Variants in PGM5 observed in about 807,000 individuals in gnomAD.
PGM5 encodes phosphoglucomutase-like protein 5.
A neutral mutation model predicts 59.2 loss-of-function variants in PGM5; 23 were observed. The ratio of observed to expected loss-of-function variants is 0.39; its 90% CI spans 0.28 to 0.55. The LOEUF (loss-of-function observed/expected upper bound fraction) is 0.55. Among genes scored for constraint, PGM5 ranks in the 20% least tolerant of loss-of-function variants. PGM5 has a pLI of 0.66. For synonymous variants in PGM5, 214 were observed against 286.0 expected, an observed-to-expected ratio of 0.75 and a Z score of 2.54; for missense variants, 574 against 748.3, an observed-to-expected ratio of 0.77 and a Z score of 2.72.
intron 10 of PGM5, among the ~76,000 whole-genome samples, chr9:68,511,773 G>T (rs1554689388): frequency 2.6e-5 from 4 of 151,628 alleles, no homozygotes; most frequent in African/African-American, 9.7e-5. Context: ...ATTAATAATG[G>T]TATTGACTCA....
intron 10 of PGM5, among the ~76,000 whole-genome samples, chr9:68,507,678 T>C (rs1824679634): frequency 6.6e-6 from 1 of 152,124 alleles, no homozygotes; most frequent in South Asian, 2.1e-4. Context: ...TTAGTATGGC[T>C]GTGTTTTCAT....
At chr9:68,442,705 A>G (rs1325806723) in intron 6 of PGM5, among the ~76,000 whole-genome samples, 1 of 152,254 alleles carries the variant, frequency 6.6e-6, no homozygotes, top group African/African-American at 2.4e-5. Flanking sequence ...ACATATTTAA[A>G]GAGTTAAAAC....
chr9:68,464,973 C>T (rs1388971137), intron 6 of PGM5, 120 bp from the exon 7 acceptor site: 4 of 593,786 alleles, frequency 6.7e-6, no homozygotes, highest in East Asian at 2.9e-5. Flanking sequence ...TCAACACTAC[C>T]CAGGTTGTTC....
At chr9:68,519,687 G>C (rs959191396) in intron 10 of PGM5, among the ~76,000 whole-genome samples, 1 of 151,184 alleles carries the variant, frequency 6.6e-6, no homozygotes, top group Non-Finnish European at 1.5e-5. Flanking sequence ...AAACAGCTAG[G>C]TCAAGTAAAA....
intron 10 of PGM5, among the ~76,000 whole-genome samples, chr9:68,501,501 C>T (rs1386319631): frequency 6.6e-6 from 1 of 152,170 alleles, no homozygotes; most frequent in Admixed American, 6.5e-5. Context: ...TCCAGGACCA[C>T]CTGCTTCTGC....
chr9:68,447,211 C>T (rs1028932792), intron 6 of PGM5, among the ~76,000 whole-genome samples: 12 of 152,202 alleles, frequency 7.9e-5, no homozygotes. Context: ...CAGCCGACCT[C>T]TTAGTTTTCA....
chr9:68,448,688 C>A (rs561861599), intron 6 of PGM5, among the ~76,000 whole-genome samples: 1 of 152,248 alleles, frequency 6.6e-6, no homozygotes, highest in Non-Finnish European at 1.5e-5. Flanking sequence ...GATCATTGTT[C>A]AATCAATAGG....
chr9:68,376,442 A>G (rs1456894755), intron 1 of PGM5, among the ~76,000 whole-genome samples: 1 of 150,640 alleles, frequency 6.6e-6, no homozygotes, highest in Non-Finnish European at 1.5e-5. Flanking sequence ...GGATTTCCAT[A>G]CTAAATCATC....
At chr9:68,486,608 G>A (rs1202911854) in intron 9 of PGM5, among the ~76,000 whole-genome samples, 1 of 152,158 alleles carries the variant, frequency 6.6e-6, no homozygotes, top group Admixed American at 6.5e-5. Context: ...CCATATATCA[G>A]TACTTATTCC....
intron 6 of PGM5, among the ~76,000 whole-genome samples, chr9:68,462,237 G>A (rs1231664617): frequency 2.6e-5 from 4 of 152,078 alleles, no homozygotes; most frequent in African/African-American, 9.7e-5. Flanking sequence ...ATGGCAAGCA[G>A]TTAGGGAGAA....
At chr9:68,406,646 G>A (rs1185379644) in intron 6 of PGM5, 1 of 114,950 alleles carries the variant, frequency 8.7e-6, no homozygotes, top group Non-Finnish European at 1.7e-5. Context: ...GTCTTGTACT[G>A]AGGATTAAAT....
At chr9:68,379,079 A>G (rs1821999252) in intron 2 of PGM5, among the ~76,000 whole-genome samples, 1 of 152,186 alleles carries the variant, frequency 6.6e-6, no homozygotes, top group Admixed American at 6.6e-5. Context: ...AAAAAGAAAG[A>G]CACATTGCTG....
rs142002990 is a variant in PGM5, at chr9:68,468,120, T to G, written c.1159+2912T>G. ...ACAGGGGTTTGTGGTACAGATTATT[T>G]CATCACCCAGGAATTAAGCCCAGTA... is the stretch of plus-strand genomic sequence containing the variant. On this transcript the variant is annotated intron_variant, in intron 7 of 10. Coordinates refer to ENST00000396396, the MANE Select transcript of PGM5 (RefSeq NM_021965.4). 6.8e-4 allele frequency among the ~76,000 whole-genome samples: 104 copies of G among 152,168 alleles called. 1 individual carries two copies. Among genetic ancestry groups the G allele is most frequent in the Middle Eastern group, 6.8e-3 (2 of 294 alleles).
rs1313811091 is a variant in PGM5, at chr9:68,380,146, T to C, written c.424+1785T>C. ...TCATCCAACAACAGCAGAATATACA[T>C]TCTTCTCTAGCATACATAGAACATT... On this transcript the variant is annotated intron_variant, in intron 2 of 10. Transcript: ENST00000396396. Among the ~76,000 whole-genome samples, 3 of 152,082 alleles carry C rather than the reference T, an allele frequency of 2.0e-5. No individual in the cohort carries two copies. In the East Asian group the frequency reaches 5.8e-4, roughly 29 times the overall value.
chr9:68,388,960 T>C (rs1360037282), intron 4 of PGM5, among the ~76,000 whole-genome samples: 1 of 152,046 alleles, frequency 6.6e-6, no homozygotes, highest in Non-Finnish European at 1.5e-5. Context: ...TGTCCTTTAA[T>C]TCTGGAAAAG....
At chr9:68,380,948 T>C (rs1251841026) in intron 2 of PGM5, among the ~76,000 whole-genome samples, 1 of 151,836 alleles carries the variant, frequency 6.6e-6, no homozygotes, top group East Asian at 1.9e-4. Context: ...TTAAAAACTT[T>C]CCAAAATAGA....
intron 6 of PGM5, among the ~76,000 whole-genome samples, chr9:68,424,529 T>C (rs999555293): frequency 1.6e-4 from 25 of 152,126 alleles, no homozygotes; most frequent in African/African-American, 6.0e-4. Flanking sequence ...CCTAAAATCA[T>C]ATTATTGATA....
At chr9:68,520,041 G>C (rs1824877028) in intron 10 of PGM5, among the ~76,000 whole-genome samples, 2 of 148,062 alleles carry the variant, frequency 1.4e-5, no homozygotes, top group African/African-American at 5.0e-5. Context: ...AGTCAGCCAT[G>C]ATCATACCAC....
chr9:68,496,278 C>T (rs560407867), intron 9 of PGM5, among the ~76,000 whole-genome samples: 32 of 152,280 alleles, frequency 2.1e-4, no homozygotes, highest in Non-Finnish European at 2.5e-4. Flanking sequence ...GTTGCAAATT[C>T]ATTAAGTTCG....
Sources: allele counts gnomAD v4.1 joint callset (sites outside exome capture counted in the v4.1 genomes callset), GRCh38; gene constraint gnomAD v4.1.1; transcripts MANE v1.5; gene names NCBI Gene and HGNC (gene_info 2026-07-23, HGNC 2026-07-21).